The following ADAM32 variants were observed in gnomAD, a reference collection of about 807,000 sequenced individuals.
ADAM32 encodes disintegrin and metalloproteinase domain-containing protein 32.
ADAM32 carries 89 observed loss-of-function variants against 114.9 expected under a neutral mutation model. That is an observed-to-expected ratio of 0.77 (90% confidence interval 0.65 to 0.92). ADAM32 has a LOEUF of 0.92. Ranked by LOEUF, ADAM32 falls within the 40% of genes least tolerant of loss-of-function variation. The pLI is 0.00. For missense variants in ADAM32, 870 were observed against 932.8 expected (o/e 0.93, Z 0.88); for synonymous variants, 285 against 307.5 (o/e 0.93, Z 0.77).
At chr8:39,151,647 A>G in intron 6 of ADAM32, 99 bp downstream of exon 6, 1 of 870,510 alleles carries the variant, frequency 1.1e-6, no homozygotes, top group South Asian at 2.7e-5. Context: ...GAATTGTAGC[A>G]AATATCCTTT....
At chr8:39,268,515 T>A (rs1812507271) in intron 19 of ADAM32, among the ~76,000 whole-genome samples, 1 of 152,230 alleles carries the variant, frequency 6.6e-6, no homozygotes, top group Admixed American at 6.5e-5. Flanking sequence ...ATTATATATG[T>A]AATTTGCAAA....
At chr8:39,225,333 C>T (rs1351856429) in intron 14 of ADAM32, among the ~76,000 whole-genome samples, 1 of 152,146 alleles carries the variant, frequency 6.6e-6, no homozygotes, top group African/African-American at 2.4e-5. Context: ...CCACAAACAC[C>T]CACTCTACTT....
intron 3 of ADAM32, among the ~76,000 whole-genome samples, chr8:39,143,678 T>C (rs1803323409): frequency 6.6e-6 from 1 of 152,144 alleles, no homozygotes; most frequent in African/African-American, 2.4e-5. Flanking sequence ...AGGGACCCAC[T>C]TGAGGAGGCA....
intron 16 of ADAM32, among the ~76,000 whole-genome samples, chr8:39,236,487 A>T (rs1307519030): frequency 6.6e-6 from 1 of 152,158 alleles, no homozygotes; most frequent in Non-Finnish European, 1.5e-5. Flanking sequence ...AAATTATTTT[A>T]AAAAATATAC....
chr8:39,166,930 G>A (rs1187474582), intron 9 of ADAM32: 1 of 152,098 alleles, frequency 6.6e-6, no homozygotes, highest in African/African-American at 2.4e-5. Flanking sequence ...GTAGGTTCTG[G>A]ATATTAGTCC....
At chr8:39,214,378 T>A (rs28788037) in intron 12 of ADAM32, among the ~76,000 whole-genome samples, 35,412 of 152,136 alleles carry the variant, frequency 0.23, 4,447 homozygotes, top group Non-Finnish European at 0.27. Context: ...ATAAAAGCCA[T>A]TTTAAATGAG....
Position 39,199,247 on chromosome 8 carries a change from A to G in ADAM32, c.1053-11897A>G, listed in dbSNP as rs540366719. On this transcript the variant is annotated intron_variant, in intron 11 of 24. Transcript: ENST00000379907. ...TTTAGTTACCTGTATCTTGATGTCT[A>G]TATCTCTTGCAAAACTTTGGAGAGT... 7.2e-5 allele frequency among the ~76,000 whole-genome samples: 11 copies of G among 152,276 alleles called. No homozygotes were observed. The South Asian group carries it at 2.1e-3, about 29-fold the overall frequency.
chr8:39,197,733 C>T (rs1807103024), intron 11 of ADAM32, among the ~76,000 whole-genome samples: 1 of 152,124 alleles, frequency 6.6e-6, no homozygotes, highest in Non-Finnish European at 1.5e-5. Context: ...TGTGGCCTAA[C>T]ATGTGGACTA....
Position 39,118,115 on chromosome 8 carries a change from A to G in ADAM32, c.88A>G (p.Ile30Val). The change falls in exon 2 of 25, where the codon ATT becomes GTT. Residue 30 changes from isoleucine (I) to valine (V), a missense_variant. Coordinates refer to ENST00000379907, the MANE Select transcript of ADAM32 (RefSeq NM_145004.7). ...GFQNSLLQIV[I>V]PEKIQTNTND... ...TCAAAATTCACTTCTACAGATCGTA[A>G]TTCCAGAGAAAATCCAAACAAATAC... 6.7e-7 allele frequency: 1 copy of G among 1,494,172 alleles called. No homozygotes were observed. Among genetic ancestry groups the G allele is most frequent in the South Asian group, 1.4e-5 (1 of 74,004 alleles). The allele number at this position is 1,494,172 out of a possible 1,614,324, so 92.6% of individuals were successfully genotyped here. A position where few individuals can be genotyped will look rare whatever the true frequency, so the allele number is the denominator to read the frequency against.
chr8:39,230,859 T>G (rs1809693154), intron 14 of ADAM32, among the ~76,000 whole-genome samples: 1 of 152,186 alleles, frequency 6.6e-6, no homozygotes, highest in Admixed American at 6.5e-5. Context: ...GCCATAATAT[T>G]AATTCTCATA....
chr8:39,143,289 T>A (rs1192910390), intron 3 of ADAM32, among the ~76,000 whole-genome samples: 1 of 152,224 alleles, frequency 6.6e-6, no homozygotes, highest in African/African-American at 2.4e-5. Context: ...GAAGAGGCAC[T>A]CTGTTTTTTT....
At chr8:39,266,807 G>A (rs1224377035) in intron 19 of ADAM32, among the ~76,000 whole-genome samples, 2 of 152,136 alleles carry the variant, frequency 1.3e-5, no homozygotes, top group African/African-American at 4.8e-5. Context: ...TGAAATTGCT[G>A]TCTTTTGTAT....
At chr8:39,139,802 A>G (rs1803031604) in intron 3 of ADAM32, among the ~76,000 whole-genome samples, 2 of 152,190 alleles carry the variant, frequency 1.3e-5, no homozygotes, top group African/African-American at 4.8e-5. Flanking sequence ...CTTCCTATCT[A>G]TGAGCATGGA....
At chr8:39,236,053 G>A (rs895181201) in intron 16 of ADAM32, among the ~76,000 whole-genome samples, 7 of 152,060 alleles carry the variant, frequency 4.6e-5, no homozygotes, top group Non-Finnish European at 4.4e-5. Context: ...TGCAACTTAA[G>A]GAAATTGAGA....
chr8:39,197,920 G>T (rs192976683), intron 11 of ADAM32, among the ~76,000 whole-genome samples: 2 of 152,104 alleles, frequency 1.3e-5, no homozygotes, highest in Non-Finnish European at 2.9e-5. Context: ...AGGGGTGTTG[G>T]AGTCAACAAC....
chr8:39,197,662 A>T (rs533732881), intron 11 of ADAM32, among the ~76,000 whole-genome samples: 1 of 152,194 alleles, frequency 6.6e-6, no homozygotes, highest in South Asian at 2.1e-4. Flanking sequence ...CTTTTATTTC[A>T]TATGGTCTAA....
At position 39,213,950 on chromosome 8, in the gene ADAM32, C is replaced by T. The variant is rs992631594; in HGVS notation, c.1233+2626C>T. On this transcript the variant is annotated intron_variant, in intron 12 of 24. Coordinates refer to ENST00000379907, the MANE Select transcript of ADAM32 (RefSeq NM_145004.7). The stretch of plus-strand genomic sequence containing the variant: ...GTGGGAACATGCAGTGTTTGTCTTT[C>T]TCTGCCTGGCTTATTTCACTTAATA... Among the ~76,000 whole-genome samples, 5 of 152,148 alleles carry T rather than the reference C, an allele frequency of 3.3e-5. 1 individual carries two copies. Among genetic ancestry groups the T allele is most frequent in the African/African-American group, 1.2e-4 (5 of 41,442 alleles).
intron 2 of ADAM32, among the ~76,000 whole-genome samples, chr8:39,122,464 TAGTG>T (rs1318316219): frequency 2.6e-5 from 4 of 152,038 alleles, no homozygotes; most frequent in African/African-American, 4.8e-5. Flanking sequence ...TGTGAGAACA[TAGTG>T]AGAAAAGAGC....
intron 16 of ADAM32, among the ~76,000 whole-genome samples, chr8:39,237,047 G>C (rs75433223): frequency 1.3e-5 from 2 of 152,186 alleles, no homozygotes; most frequent in African/African-American, 4.8e-5. Context: ...ATATGTGAGT[G>C]GGGGAAAGTC....
Sources: allele counts gnomAD v4.1 joint callset (sites outside exome capture counted in the v4.1 genomes callset), GRCh38; gene constraint gnomAD v4.1.1; transcripts MANE v1.5; gene names NCBI Gene and HGNC (gene_info 2026-07-23, HGNC 2026-07-21).